ESR1: variants seen among roughly 807,000 people sequenced by gnomAD.
ESR1 encodes estrogen receptor.
In ESR1, 12 loss-of-function variants were observed where a neutral mutation model predicts 52.7. The ratio of observed to expected loss-of-function variants is 0.23; its 90% CI spans 0.15 to 0.37. ESR1 has a LOEUF of 0.37. Among genes scored for constraint, ESR1 ranks in the 10% least tolerant of loss-of-function variants. The probability of loss-of-function intolerance (pLI) is 1.00; values close to 1 mark genes in which losing one functional copy is unlikely to be tolerated. For missense variants in ESR1, 584 were observed against 779.7 expected, an observed-to-expected ratio of 0.75 and a Z score of 2.99; for synonymous variants, 305 against 316.8, an observed-to-expected ratio of 0.96 and a Z score of 0.39.
At chr6:152,066,171 G>A (rs2047949250) in intron 6 of ESR1, among the ~76,000 whole-genome samples, 2 of 152,150 alleles carry the variant, frequency 1.3e-5, no homozygotes, top group South Asian at 4.1e-4. Context: ...ATGCCATTCT[G>A]TTTGCTTTGA....
chr6:151,673,922 G>A (rs192968240), intron 1 of ESR1, among the ~76,000 whole-genome samples: 5 of 152,132 alleles, frequency 3.3e-5, no homozygotes, highest in African/African-American at 7.2e-5. Context: ...GCCATTTTGT[G>A]TGTGTTTACA....
intron 4 of ESR1, among the ~76,000 whole-genome samples, chr6:151,960,945 T>C (rs1186526308): frequency 1.3e-5 from 2 of 152,142 alleles, no homozygotes; most frequent in African/African-American, 4.8e-5. Flanking sequence ...GAGAAAGAAT[T>C]CAGTTATGGA....
At chr6:151,680,517 C>A (rs1315074358) in intron 1 of ESR1, among the ~76,000 whole-genome samples, 4 of 152,180 alleles carry the variant, frequency 2.6e-5, no homozygotes, top group Non-Finnish European at 1.5e-5. Flanking sequence ...CACCTTCTCC[C>A]TGTGTCCTCA....
intron 3 of ESR1, among the ~76,000 whole-genome samples, chr6:151,942,857 T>A (rs1269747647): frequency 1.3e-5 from 2 of 152,178 alleles, no homozygotes; most frequent in Non-Finnish European, 2.9e-5. Context: ...ATCTAAGAAT[T>A]ATGCTGTCTG....
intron 1 of ESR1, among the ~76,000 whole-genome samples, chr6:151,834,443 C>T (rs532653568): frequency 3.3e-5 from 5 of 152,238 alleles, no homozygotes; most frequent in African/African-American, 9.6e-5. Context: ...CAAACTAACA[C>T]AGGAACAGAA....
intron 2 of ESR1, among the ~76,000 whole-genome samples, chr6:151,761,212 A>G (rs1784635632): frequency 6.6e-6 from 1 of 151,818 alleles, no homozygotes. Context: ...GGTGGTTGGC[A>G]GGTGTTTATT....
intron 2 of ESR1, among the ~76,000 whole-genome samples, chr6:151,721,103 G>T (rs1781424903): frequency 6.6e-6 from 1 of 152,136 alleles, no homozygotes; most frequent in Admixed American, 6.5e-5. Flanking sequence ...TGGAAACAAA[G>T]GCACAAGAAC....
intron 2 of ESR1, among the ~76,000 whole-genome samples, chr6:151,745,521 C>G (rs1783418774): frequency 6.6e-6 from 1 of 152,108 alleles, no homozygotes; most frequent in African/African-American, 2.4e-5. Flanking sequence ...GACTAACATT[C>G]ACAAATTATG....
chr6:151,668,658 C>T (rs887517580), intron 1 of ESR1, among the ~76,000 whole-genome samples: 1 of 152,122 alleles, frequency 6.6e-6, no homozygotes, highest in Non-Finnish European at 1.5e-5. Context: ...GCCTAATCAC[C>T]TCTTAAAGCC....
intron 6 of ESR1, among the ~76,000 whole-genome samples, chr6:152,082,919 C>T (rs1188578195): frequency 2.6e-5 from 4 of 152,096 alleles, no homozygotes; most frequent in South Asian, 2.1e-4. Context: ...ATGTGAAGGA[C>T]CTCTTCAAGG....
intron 6 of ESR1, among the ~76,000 whole-genome samples, chr6:152,093,113 C>T (rs1371045950): frequency 6.6e-6 from 1 of 151,910 alleles, no homozygotes; most frequent in Non-Finnish European, 1.5e-5. Context: ...CCCATCTCTA[C>T]TAAAAACACA....
chr6:151,753,616 C>T (rs577768452), intron 2 of ESR1, among the ~76,000 whole-genome samples: 1 of 152,142 alleles, frequency 6.6e-6, no homozygotes, highest in Non-Finnish European at 1.5e-5. Context: ...CCGTGCCCAG[C>T]CTGATTGTGT....
chr6:152,125,338 C>T, exon 7 of ESR1: 1 of 1,550,242 alleles, frequency 6.5e-7, no homozygotes, highest in Non-Finnish European at 8.7e-7. Flanking sequence ...AAGTGGTTTC[C>T]TCGTGTCTAA....
At chr6:151,694,794 AC>A (rs1393315421) in intron 1 of ESR1, among the ~76,000 whole-genome samples, 1 of 120,176 alleles carries the variant, frequency 8.3e-6, no homozygotes, top group African/African-American at 3.4e-5. Context: ...CTAAAAAAAG[AC>A]AAAAAAAAAA....
chr6:151,748,174 A>G (rs536845515), intron 2 of ESR1, among the ~76,000 whole-genome samples: 15 of 152,294 alleles, frequency 9.8e-5, no homozygotes, highest in African/African-American at 3.6e-4. Flanking sequence ...TGGTAAAACT[A>G]CTGAAAAAAG....
At chr6:151,676,410 G>C (rs1305501021) in intron 1 of ESR1, among the ~76,000 whole-genome samples, 1 of 152,214 alleles carries the variant, frequency 6.6e-6, no homozygotes, top group Non-Finnish European at 1.5e-5. Context: ...GTAGCAATCA[G>C]AGTGTGGTAG....
At chr6:151,754,589 GC>G (rs1348861539) in intron 2 of ESR1, among the ~76,000 whole-genome samples, 1 of 152,060 alleles carries the variant, frequency 6.6e-6, no homozygotes, top group African/African-American at 2.4e-5. Context: ...TGACCATTTA[GC>G]CACATTTCAC....
chr6:152,024,740 TTGTATTTATATA>T lies in ESR1; in HGVS notation c.1235+12958_1235+12969del, dbSNP rs977849749. On this transcript the variant is annotated intron_variant, in intron 5 of 7. Coordinates refer to ENST00000206249, the MANE Select transcript of ESR1 (RefSeq NM_000125.4). ...ATATATTATATAATATATACATGTA[TTGTATTTATATA>T]TGTATTTATATGTGTATCTATAAAT... 1.8e-3 allele frequency among the ~76,000 whole-genome samples: 273 copies of T among 148,026 alleles called. 1 individual carries two copies. Among genetic ancestry groups the T allele is most frequent in the Non-Finnish European group, 3.1e-3 (209 of 67,090 alleles).
chr6:152,099,839 C>T lies in ESR1; in HGVS notation c.*873C>T. 1 of 396,502 alleles carries T rather than the reference C, an allele frequency of 2.5e-6. No homozygotes were observed. The highest frequency in any genetic ancestry group is 4.4e-6 in the Non-Finnish European group (1 of 225,232). The allele number at this position is 396,502 out of a possible 1,614,324, so 24.6% of individuals were successfully genotyped here. On this transcript the variant is annotated 3_prime_UTR_variant, in exon 8 of 8. Coordinates refer to ENST00000206249, the MANE Select transcript of ESR1 (RefSeq NM_000125.4). ...AGTAAGGTCAGCTTCAGGACCTGTT[C>T]CAGTGGGCACTGTACTTGGATCTTC...
Sources: gnomAD v4.1 joint callset for allele counts (sites outside exome capture counted in the v4.1 genomes callset) on GRCh38, gnomAD v4.1.1 for gene constraint, MANE v1.5 for transcripts, NCBI Gene and HGNC (gene_info 2026-07-23, HGNC 2026-07-21) for gene names.